Variants in ENO4 observed in about 807,000 individuals in gnomAD.
The protein encoded by ENO4 is enolase 4, also known as 2-phospho-D-glycerate hydro-lyase.
In ENO4, 53 loss-of-function variants were observed where a neutral mutation model predicts 63.2. The observed-to-expected ratio is 0.84, with a 90% CI of 0.67 to 1.05. ENO4 has a LOEUF of 1.05. Among genes scored for constraint, ENO4 ranks in the 50% least tolerant of loss-of-function variants. The pLI, the probability that ENO4 is intolerant of heterozygous loss-of-function variation, is 0.00. For synonymous variants in ENO4, 266 were observed against 283.8 expected, an observed-to-expected ratio of 0.94 and a Z score of 0.63; for missense variants, 719 against 772.0, an observed-to-expected ratio of 0.93 and a Z score of 0.81.
chr10:116,905,062 G>A (rs1489888034), intron 10 of ENO4, among the ~76,000 whole-genome samples: 2 of 151,646 alleles, frequency 1.3e-5, no homozygotes, highest in Admixed American at 6.6e-5. Flanking sequence ...TTAGCCGGGC[G>A]CGGTGGCGGG....
At chr10:116,896,099 A>G (rs572535598) in intron 10 of ENO4, among the ~76,000 whole-genome samples, 4 of 152,182 alleles carry the variant, frequency 2.6e-5, no homozygotes, top group Non-Finnish European at 5.9e-5. Context: ...GTGAATATAT[A>G]CTGATAAAGA....
chr10:116,866,069 A>T (rs1052544616), intron 7 of ENO4, among the ~76,000 whole-genome samples: 1 of 152,206 alleles, frequency 6.6e-6, no homozygotes, highest in Non-Finnish European at 1.5e-5. Context: ...TGGCATTCAA[A>T]CTCAGAATCC....
intron 13 of ENO4, among the ~76,000 whole-genome samples, chr10:116,880,605 T>C (rs1256719389): frequency 6.6e-6 from 1 of 152,152 alleles, no homozygotes; most frequent in Non-Finnish European, 1.5e-5. Flanking sequence ...CAACAGAAAC[T>C]GTGATTATAA....
At chr10:116,862,701 A>G in intron 6 of ENO4, 98 bp from the exon 7 acceptor site, 1 of 817,988 alleles carries the variant, frequency 1.2e-6, no homozygotes, top group Non-Finnish European at 2.0e-6. Flanking sequence ...CAGGGACTCT[A>G]CAAATACTCT....
intron 10 of ENO4, chr10:116,907,812 CA>C (rs1848032316): frequency 4.1e-6 from 2 of 491,638 alleles, no homozygotes; most frequent in Non-Finnish European, 8.1e-6. Flanking sequence ...ATGCCAGAGT[CA>C]AAAGACAGCT....
chr10:116,873,277 C>G (rs1440861398), intron 9 of ENO4, among the ~76,000 whole-genome samples: 1 of 152,168 alleles, frequency 6.6e-6, no homozygotes, highest in African/African-American at 2.4e-5. Flanking sequence ...CCAATGGAAT[C>G]CATTCTATTA....
intron 8 of ENO4, 35 bp downstream of exon 8, chr10:116,868,741 G>A (rs1348593782): frequency 1.8e-5 from 27 of 1,519,750 alleles, no homozygotes; most frequent in Non-Finnish European, 2.1e-5. Context: ...CCTTCCATAT[G>A]ACACTGTCTA....
chr10:116,853,172 G>A (rs1375528923), intron 1 of ENO4, among the ~76,000 whole-genome samples: 1 of 151,858 alleles, frequency 6.6e-6, no homozygotes, highest in Non-Finnish European at 1.5e-5. Flanking sequence ...TCGGGCGACT[G>A]TAGTCCCAGC....
chr10:116,862,201 C>T (rs930987946), intron 6 of ENO4, among the ~76,000 whole-genome samples: 4 of 152,174 alleles, frequency 2.6e-5, no homozygotes, highest in African/African-American at 7.2e-5. Flanking sequence ...TGGTGCCTCA[C>T]GCCTGTAATC....
At chr10:116,901,680 C>T (rs1331888798) in intron 10 of ENO4, 3 of 1,392,422 alleles carry the variant, frequency 2.2e-6, no homozygotes. Flanking sequence ...CAAAATCTCT[C>T]TAAAGGAAAC....
chr10:116,864,391 C>T lies in ENO4; in HGVS notation c.990+1539C>T, dbSNP rs368087701. The stretch of plus-strand genomic sequence containing the variant: ...TCGGGAGGCTGAGGCAGGAGAATTG[C>T]TTGAACCCGGGAGGCAGAGGTTGCA... On this transcript the variant is annotated intron_variant, in intron 7 of 13. Transcript: ENST00000341276. 5.3e-5 allele frequency: 8 copies of T among 152,178 alleles called. No individual in the cohort carries two copies. The South Asian group carries it at 8.3e-4, about 16-fold the overall frequency. The allele number at this position is 152,178 out of a possible 1,614,324, so 9.4% of individuals were successfully genotyped here.
intron 10 of ENO4, chr10:116,906,705 G>A: frequency 6.2e-7 from 1 of 1,613,210 alleles, no homozygotes; most frequent in South Asian, 1.1e-5. Flanking sequence ...TCAGGGTCAA[G>A]GGATTTTAAG....
chr10:116,883,493 CT>C (rs1847080961), downstream of ENO4: 1 of 152,188 alleles, frequency 6.6e-6, no homozygotes, highest in Admixed American at 6.5e-5. Context: ...TTCTCGACAA[CT>C]TACTGGTATA....
chr10:116,880,145 T>A (rs1846964035), intron 13 of ENO4, among the ~76,000 whole-genome samples, 159 bp downstream of exon 13: 1 of 152,180 alleles, frequency 6.6e-6, no homozygotes, highest in Admixed American at 6.5e-5. Flanking sequence ...CAATGTATAT[T>A]GTTGTCTTAA....
rs542941748 is a variant in ENO4, at chr10:116,880,101, A to G, written c.1723+115A>G. On this transcript the variant is annotated intron_variant, in intron 13 of 13. Transcript: ENST00000341276. ...GGGCAGGGGAATCCAAAGACCATAC[A>G]TAAGTGCTGACAAAACTAGGATGGC... The G allele has an allele frequency of 4.5e-4, 325 of 719,662 alleles. 4 individuals are homozygous for G. The East Asian group carries it at 5.8e-3, about 13-fold the overall frequency. 44.6% of individuals were successfully genotyped at this position (719,662 alleles called of 1,614,324 possible).
At chr10:116,911,360 G>A (rs1231570539) in intron 10 of ENO4, 15 of 1,147,470 alleles carry the variant, frequency 1.3e-5, no homozygotes, top group South Asian at 1.8e-5. Flanking sequence ...AAGGCAGACT[G>A]TGACCCTGAT....
chr10:116,887,639 C>G (rs969739353), intron 10 of ENO4, among the ~76,000 whole-genome samples: 1 of 152,168 alleles, frequency 6.6e-6, no homozygotes, highest in Admixed American at 6.5e-5. Flanking sequence ...AGGAGACACT[C>G]TTTTACCACC....
At chr10:116,905,038 A>G (rs1186598055) in intron 10 of ENO4, among the ~76,000 whole-genome samples, 1 of 151,364 alleles carries the variant, frequency 6.6e-6, no homozygotes, top group Non-Finnish European at 1.5e-5. Flanking sequence ...CGTCTCTACT[A>G]AAAATACAAA....
chr10:116,873,160 G>C (rs1162586281), intron 9 of ENO4, among the ~76,000 whole-genome samples: 2 of 152,102 alleles, frequency 1.3e-5, no homozygotes, highest in Non-Finnish European at 2.9e-5. Flanking sequence ...GACAAGATAG[G>C]GTTTTTTAAG....
Sources: gnomAD v4.1 joint callset for allele counts (sites outside exome capture counted in the v4.1 genomes callset) on GRCh38, gnomAD v4.1.1 for gene constraint, MANE v1.5 for transcripts, NCBI Gene and HGNC (gene_info 2026-07-23, HGNC 2026-07-21) for gene names.